DIP2C: variants seen among roughly 807,000 people sequenced by gnomAD.
The protein encoded by DIP2C is DIP2 acetate--CoA ligase C (putative).
Under a neutral mutation model 192.4 loss-of-function variants are expected in DIP2C, and 33 were observed. The observed-to-expected ratio is 0.17, with a 90% CI of 0.13 to 0.23. The LOEUF (loss-of-function observed/expected upper bound fraction) is 0.23. Among genes scored for constraint, DIP2C ranks in the 10% least tolerant of loss-of-function variants. The pLI is 1.00. For synonymous variants in DIP2C, 979 were observed against 864.1 expected, an observed-to-expected ratio of 1.13 and a Z score of -2.33; for missense variants, 1,537 against 2,110.1, an observed-to-expected ratio of 0.73 and a Z score of 5.32.
In DIP2C at chr10:472,547, C is replaced by T. The variant is rs1410867417; in HGVS notation, c.160G>A (p.Val54Met). The T allele has an allele frequency of 1.2e-6, 2 of 1,613,810 alleles. No individual in the cohort carries two copies. The highest frequency in any genetic ancestry group is 1.7e-6 in the Non-Finnish European group (2 of 1,179,836). Residue 54 changes from valine (V) to methionine (M), a missense_variant and splice_region_variant, in exon 3 of 37, where the codon GTG (valine) becomes ATG (methionine). Val to Met is a conservative substitution (Grantham distance 21). Coordinates refer to ENST00000280886, the MANE Select transcript of DIP2C (RefSeq NM_014974.3). Reference sequence around the variant, plus strand: ...CGTTCTTGCGGCAAAGCTTGGTCCACCCCTGGATTTCAATAAAAACAGCAG... The same window carrying T: ...CGTTCTTGCGGCAAAGCTTGGTCCATCCCTGGATTTCAATAAAAACAGCAG... Reference protein sequence around the residue: ...IGAYLPQPPRVDQALPQERRA... With the variant: ...IGAYLPQPPRMDQALPQERRA...
chr10:678,098 G>A (rs1830935727), intron 1 of DIP2C, among the ~76,000 whole-genome samples: 1 of 152,238 alleles, frequency 6.6e-6, no homozygotes, highest in South Asian at 2.1e-4. Context: ...GTGGCAGGGT[G>A]AGGTCCTGCT....
intron 1 of DIP2C, among the ~76,000 whole-genome samples, chr10:674,789 T>TATATATATAGAGAG: frequency 1.8e-3 from 112 of 62,472 alleles, no homozygotes; most frequent in Non-Finnish European, 2.1e-3. Flanking sequence ...TATATATATA[T>TATATATATAGAGAG]AGAGAGAGAG....
chr10:625,340 A>G (rs1854129956), intron 1 of DIP2C, among the ~76,000 whole-genome samples: 1 of 152,022 alleles, frequency 6.6e-6, no homozygotes, highest in Non-Finnish European at 1.5e-5. Flanking sequence ...AATCACAAAA[A>G]CTCAAATACA....
At chr10:501,645 G>C (rs1845236145) in intron 1 of DIP2C, among the ~76,000 whole-genome samples, 1 of 152,016 alleles carries the variant, frequency 6.6e-6, no homozygotes, top group Non-Finnish European at 1.5e-5. Context: ...ATTACAAGGT[G>C]ACTTGCAGAA....
chr10:435,538 C>CG (rs1442739679), intron 4 of DIP2C, among the ~76,000 whole-genome samples: 1 of 152,186 alleles, frequency 6.6e-6, no homozygotes, highest in African/African-American at 2.4e-5. Flanking sequence ...CCAATCCCAG[C>CG]GGGGGTTCCT....
chr10:420,939 G>A (rs139786816), intron 5 of DIP2C, among the ~76,000 whole-genome samples: 205 of 152,250 alleles, frequency 1.3e-3, no homozygotes, highest in Admixed American at 4.4e-3. Context: ...ACACTCACGC[G>A]CACGCAGACG....
chr10:515,394 G>A (rs1342776836), intron 1 of DIP2C, among the ~76,000 whole-genome samples: 1 of 152,240 alleles, frequency 6.6e-6, no homozygotes, highest in East Asian at 1.9e-4. Flanking sequence ...TTCAAACATA[G>A]ACTGGCTTTT....
intron 1 of DIP2C, among the ~76,000 whole-genome samples, chr10:514,700 C>A (rs1336735160): frequency 6.6e-6 from 1 of 152,146 alleles, no homozygotes; most frequent in Non-Finnish European, 1.5e-5. Context: ...CCTGAGGGAC[C>A]TGGTCTTTCT....
intron 8 of DIP2C, among the ~76,000 whole-genome samples, chr10:410,266 C>T (rs962046106): frequency 6.6e-6 from 1 of 152,194 alleles, no homozygotes; most frequent in South Asian, 2.1e-4. Flanking sequence ...ACGTGCTCAG[C>T]AAATGTTTCT....
intron 4 of DIP2C, among the ~76,000 whole-genome samples, chr10:435,983 A>T (rs770633012): frequency 1.1e-4 from 16 of 152,084 alleles, no homozygotes; most frequent in Non-Finnish European, 1.9e-4. Context: ...ATATATAAAC[A>T]GGTACAATTA....
At chr10:474,109 C>CT in intron 2 of DIP2C, among the ~76,000 whole-genome samples, 1 of 152,110 alleles carries the variant, frequency 6.6e-6, no homozygotes, top group South Asian at 2.1e-4. Flanking sequence ...CTTCAATTAC[C>CT]TTTTTATCAA....
At chr10:532,350 C>T (rs1174750517) in intron 1 of DIP2C, among the ~76,000 whole-genome samples, 1 of 152,158 alleles carries the variant, frequency 6.6e-6, no homozygotes, top group Non-Finnish European at 1.5e-5. Context: ...CTGGACAGAC[C>T]CTTCTCAAAC....
chr10:585,563 G>C (rs763969058), intron 1 of DIP2C, among the ~76,000 whole-genome samples: 1 of 152,166 alleles, frequency 6.6e-6, no homozygotes, highest in Non-Finnish European at 1.5e-5. Context: ...AACTGAAGCG[G>C]GGCGAGTGAA....
At chr10:530,970 C>T (rs1847333539) in intron 1 of DIP2C, among the ~76,000 whole-genome samples, 2 of 152,160 alleles carry the variant, frequency 1.3e-5, no homozygotes, top group African/African-American at 4.8e-5. Flanking sequence ...GACACCCCAC[C>T]CTGGGACCCT....
chr10:527,901 C>CA (rs1356132050), intron 1 of DIP2C, among the ~76,000 whole-genome samples: 3 of 152,222 alleles, frequency 2.0e-5, no homozygotes, highest in Non-Finnish European at 4.4e-5. Context: ...ATCCATCGTC[C>CA]ATCCTCCAGG....
chr10:349,485 A>T, intron 24 of DIP2C, 31 bp from the exon 25 acceptor site: 1 of 1,583,340 alleles, frequency 6.3e-7, no homozygotes, highest in Middle Eastern at 1.7e-4. Flanking sequence ...CAAGCACATA[A>T]GATTCCTTCA....
At chr10:647,061 G>A (rs959785400) in intron 1 of DIP2C, among the ~76,000 whole-genome samples, 3 of 152,178 alleles carry the variant, frequency 2.0e-5, no homozygotes, top group Non-Finnish European at 4.4e-5. Context: ...AGAACAGAGG[G>A]AAACTGAGTC....
At chr10:685,514 A>G (rs1374885410) in intron 1 of DIP2C, among the ~76,000 whole-genome samples, 1 of 152,156 alleles carries the variant, frequency 6.6e-6, no homozygotes, top group Non-Finnish European at 1.5e-5. Context: ...TATGAGTTCT[A>G]TCAAAATAAT....
intron 1 of DIP2C, among the ~76,000 whole-genome samples, chr10:510,729 TA>T (rs1351502625): frequency 3.3e-5 from 5 of 152,234 alleles, no homozygotes; most frequent in Non-Finnish European, 7.3e-5. Context: ...ACTGTGACGT[TA>T]ACAGCAGCCT....
Sources: gnomAD v4.1 joint callset for allele counts (sites outside exome capture counted in the v4.1 genomes callset) on GRCh38, gnomAD v4.1.1 for gene constraint, MANE v1.5 for transcripts, NCBI Gene and HGNC (gene_info 2026-07-23, HGNC 2026-07-21) for gene names.